Variants in APBB2 observed in about 807,000 individuals in gnomAD.
APBB2 encodes Fe65-like 1.
A neutral mutation model predicts 82.5 loss-of-function variants in APBB2; 38 were observed. That is an observed-to-expected ratio of 0.46 (90% CI 0.36 to 0.60). The LOEUF (loss-of-function observed/expected upper bound fraction) is 0.60, where lower values mean the gene tolerates loss of function less well. Ranked by LOEUF, APBB2 falls within the 20% of genes least tolerant of loss-of-function variation. The pLI is 0.00. For synonymous variants in APBB2, 341 were observed against 368.2 expected (o/e 0.93, Z 0.85); for missense variants, 772 against 972.3 (o/e 0.79, Z 2.74).
At chr4:40,971,331 G>T (rs1031661130) in intron 6 of APBB2, among the ~76,000 whole-genome samples, 1 of 152,086 alleles carries the variant, frequency 6.6e-6, no homozygotes, top group African/African-American at 2.4e-5. Flanking sequence ...TTTTTTACAA[G>T]TAATTTCCTC....
chr4:40,890,162 T>C lies in APBB2; in HGVS notation c.1529+202A>G, dbSNP rs779679971. On this transcript the variant is annotated intron_variant, in intron 12 of 17. Transcript: ENST00000508593. ...ATCAGGATCAGAGTTGACAAAAGAT[T>C]TGAGATACAGAAACCAGGAAGGGAA... The C allele has an allele frequency of 6.4e-6, 4 of 628,962 alleles. No individual in the cohort carries two copies. In the East Asian group the frequency reaches 1.3e-4, roughly 20 times the overall value. 39.0% of individuals were successfully genotyped at this position (628,962 alleles called of 1,614,324 possible). A position where few individuals can be genotyped will look rare whatever the true frequency, so the allele number is the denominator to read the frequency against.
intron 5 of APBB2, among the ~76,000 whole-genome samples, chr4:41,016,814 T>C (rs1299991280): frequency 3.3e-5 from 5 of 151,862 alleles, no homozygotes; most frequent in Non-Finnish European, 7.4e-5. Context: ...CAATACAAAC[T>C]GGATGAAAAA....
chr4:40,880,892 T>C (rs1466566342), intron 12 of APBB2: 1 of 984,868 alleles, frequency 1.0e-6, no homozygotes, highest in African/African-American at 1.7e-5. Flanking sequence ...GGACGAGGTA[T>C]TTCTCAGGAG....
intron 6 of APBB2, among the ~76,000 whole-genome samples, chr4:40,946,612 G>A (rs371193972): frequency 6.6e-6 from 1 of 151,430 alleles, no homozygotes; most frequent in Non-Finnish European, 1.5e-5. Context: ...AGAGGGGAGA[G>A]GAAGTAGAAT....
At chr4:40,923,590 C>T (rs962640530) in intron 10 of APBB2, among the ~76,000 whole-genome samples, 27 of 152,356 alleles carry the variant, frequency 1.8e-4, no homozygotes, top group Admixed American at 1.0e-3. Context: ...ACACACCTGC[C>T]GCTCTGGTGC....
At chr4:40,879,240 A>G (rs16852577) in intron 12 of APBB2, among the ~76,000 whole-genome samples, 8,766 of 143,876 alleles carry the variant, frequency 0.061, 739 homozygotes, top group African/African-American at 0.19. Flanking sequence ...GCAGCCTCAC[A>G]TGGACTCACA....
chr4:40,901,272 G>C (rs2154357005), intron 10 of APBB2, among the ~76,000 whole-genome samples: 1 of 152,350 alleles, frequency 6.6e-6, no homozygotes, highest in South Asian at 2.1e-4. Flanking sequence ...CTGGCCCAAA[G>C]GAAATAGGTG....
At chr4:40,843,070 C>G (rs1055361433) in intron 12 of APBB2, among the ~76,000 whole-genome samples, 8 of 152,184 alleles carry the variant, frequency 5.3e-5, no homozygotes, top group African/African-American at 1.9e-4. Context: ...CTGCCTGGGA[C>G]CCTAATGAAG....
intron 2 of APBB2, among the ~76,000 whole-genome samples, chr4:41,114,497 A>C (rs1214572675): frequency 6.6e-6 from 1 of 152,192 alleles, no homozygotes; most frequent in Non-Finnish European, 1.5e-5. Context: ...GGAAGAAATA[A>C]ACAGTATTCA....
chr4:40,923,695 C>T (rs1304377106), intron 10 of APBB2, among the ~76,000 whole-genome samples: 1 of 152,198 alleles, frequency 6.6e-6, no homozygotes, highest in Non-Finnish European at 1.5e-5. Context: ...GGAAGTCTGC[C>T]TTTCCTTCAT....
intron 1 of APBB2, among the ~76,000 whole-genome samples, chr4:41,192,713 C>G (rs142752996): frequency 9.9e-5 from 15 of 152,054 alleles, no homozygotes; most frequent in Non-Finnish European, 2.1e-4. Flanking sequence ...AGGAATCTAA[C>G]GAACTGTACT....
intron 1 of APBB2, among the ~76,000 whole-genome samples, chr4:41,146,279 T>C (rs796187744): frequency 1.6e-5 from 2 of 127,880 alleles, no homozygotes; most frequent in African/African-American, 6.2e-5. Flanking sequence ...TGAGCTAAGA[T>C]AGCAGCACTG....
chr4:41,101,176 G>A (rs1173209865), intron 2 of APBB2, among the ~76,000 whole-genome samples: 1 of 152,150 alleles, frequency 6.6e-6, no homozygotes, highest in African/African-American at 2.4e-5. Context: ...GTAAATAGAA[G>A]TGAATCGGCC....
chr4:40,993,241 T>G (rs960131356), intron 6 of APBB2, among the ~76,000 whole-genome samples: 1 of 152,170 alleles, frequency 6.6e-6, no homozygotes, highest in African/African-American at 2.4e-5. Context: ...GATTTAAATA[T>G]TCAGTGTTCA....
At chr4:40,922,376 T>C (rs984010194) in intron 10 of APBB2, among the ~76,000 whole-genome samples, 2 of 152,220 alleles carry the variant, frequency 1.3e-5, no homozygotes, top group Non-Finnish European at 2.9e-5. Context: ...ATGAATCTAC[T>C]GCAGACTGCT....
chr4:41,132,930 A>T (rs1756477953), intron 2 of APBB2, among the ~76,000 whole-genome samples: 1 of 152,178 alleles, frequency 6.6e-6, no homozygotes, highest in Admixed American at 6.5e-5. Flanking sequence ...ATTTTTTTTT[A>T]AAGGAAAGAA....
chr4:41,149,343 C>G (rs994552274), intron 1 of APBB2, among the ~76,000 whole-genome samples: 1 of 151,948 alleles, frequency 6.6e-6, no homozygotes, highest in Non-Finnish European at 1.5e-5. Context: ...TGCCAAAAGT[C>G]TGTCTTAGCA....
At chr4:41,045,355 G>A (rs538528683) in intron 4 of APBB2, among the ~76,000 whole-genome samples, 49 of 151,826 alleles carry the variant, frequency 3.2e-4, no homozygotes, top group Middle Eastern at 3.4e-3. Context: ...GTGCAGTGGC[G>A]TGATCTCGGC....
Position 41,017,644 on chromosome 4 carries a change from T to C in APBB2, c.20-3246A>G, listed in dbSNP as rs566348358. The stretch of plus-strand genomic sequence containing the variant: ...CTCCACTCACCACTTTGTACGAGTT[T>C]ATAACAATAAATGTGAGCTCCACTC... On this transcript the variant is annotated intron_variant, in intron 5 of 17. Transcript: ENST00000508593. Among the ~76,000 whole-genome samples the C allele has an allele frequency of 4.6e-5, 7 of 152,224 alleles. No individual in the cohort carries two copies. The East Asian group carries it at 1.2e-3, about 25-fold the overall frequency.
Sources: gnomAD v4.1 joint callset for allele counts (sites outside exome capture counted in the v4.1 genomes callset) on GRCh38, gnomAD v4.1.1 for gene constraint, MANE v1.5 for transcripts, NCBI Gene and HGNC (gene_info 2026-07-23, HGNC 2026-07-21) for gene names.